AFG2B: variants seen among roughly 807,000 people sequenced by gnomAD.
The protein encoded by AFG2B is ATPase family gene 2 protein homolog B.
chr15:45,408,971 C>G, the AFG2B span, among the ~76,000 whole-genome samples: 1 of 152,108 alleles, frequency 6.6e-6, no homozygotes, highest in South Asian at 2.1e-4. Flanking sequence ...GCAAGACGGG[C>G]GATTTTTTTA....
At chr15:45,405,482 C>T in the AFG2B span, 1 of 1,613,412 alleles carries the variant, frequency 6.2e-7, no homozygotes, top group Non-Finnish European at 8.5e-7. Flanking sequence ...GGCTGCCATG[C>T]ATGCCCTCCT....
the AFG2B span, chr15:45,417,175 C>G: frequency 6.8e-7 from 1 of 1,460,144 alleles, no homozygotes; most frequent in Non-Finnish European, 9.3e-7. Flanking sequence ...AAGGATATCC[C>G]TATTTGAATT....
chr15:45,412,663 T>A, the AFG2B span, among the ~76,000 whole-genome samples: 1 of 152,336 alleles, frequency 6.6e-6, no homozygotes, highest in South Asian at 2.1e-4. Context: ...TAAAAACTAT[T>A]CTTAGTTTGG....
the AFG2B span, chr15:45,402,428 C>A: frequency 1.2e-6 from 2 of 1,600,326 alleles, no homozygotes; most frequent in Non-Finnish European, 1.7e-6. Context: ...CATCTGTGTG[C>A]GATGGCTCCG....
At chr15:45,409,154 T>A in the AFG2B span, among the ~76,000 whole-genome samples, 1 of 151,924 alleles carries the variant, frequency 6.6e-6, no homozygotes, top group East Asian at 1.9e-4. Flanking sequence ...GATGGGTGGG[T>A]CAGTTGAGGT....
chr15:45,419,852 C>T, the AFG2B span, among the ~76,000 whole-genome samples: 3 of 151,508 alleles, frequency 2.0e-5, no homozygotes, highest in African/African-American at 7.3e-5. Context: ...CCTGTCTCTA[C>T]AAAAACTTTT....
chr15:45,409,091 A>G, the AFG2B span, among the ~76,000 whole-genome samples: 1 of 152,106 alleles, frequency 6.6e-6, no homozygotes, highest in Non-Finnish European at 1.5e-5. Flanking sequence ...GAGTTTGGAA[A>G]TGGGCCACGT....
the AFG2B span, chr15:45,417,338 C>G: frequency 6.2e-7 from 1 of 1,614,042 alleles, no homozygotes; most frequent in East Asian, 2.2e-5. Context: ...GTGTTAGATA[C>G]TGCTTTGTTA....
At chr15:45,402,674 G>C in the AFG2B span, 2 of 1,577,498 alleles carry the variant, frequency 1.3e-6, no homozygotes, top group South Asian at 1.1e-5. Flanking sequence ...GCGAGCCCCG[G>C]GGCGGCGGTC....
At chr15:45,412,558 T>A in the AFG2B span, among the ~76,000 whole-genome samples, 1 of 152,232 alleles carries the variant, frequency 6.6e-6, no homozygotes, top group South Asian at 2.1e-4. Context: ...TGTAAATTAG[T>A]AATTGTATTC....
chr15:45,418,406 A>C, the AFG2B span: 1 of 574,808 alleles, frequency 1.7e-6, no homozygotes, highest in Non-Finnish European at 2.8e-6. Flanking sequence ...TACCATTGTC[A>C]TATAAGCCAT....
the AFG2B span, chr15:45,402,381 C>T: frequency 0.29 from 456,107 of 1,552,932 alleles, 76,947 homozygotes; most frequent in East Asian, 0.84. Context: ...TTTTGTGGGC[C>T]GGGTGGGTTT....
the AFG2B span, chr15:45,402,668 G>T: frequency 6.3e-7 from 1 of 1,577,948 alleles, no homozygotes. Context: ...CTGTGCGCGA[G>T]CCCCGGGGCG....
chr15:45,412,392 C>G, the AFG2B span, among the ~76,000 whole-genome samples: 1 of 145,900 alleles, frequency 6.9e-6, no homozygotes, highest in Admixed American at 6.6e-5. Flanking sequence ...GAGTGAGACT[C>G]CGTCTCAAAA....
chr15:45,403,350 C>T, the AFG2B span: 6 of 1,608,884 alleles, frequency 3.7e-6, no homozygotes, highest in South Asian at 6.6e-5. Context: ...AGATGGACGC[C>T]TTGTGTCCCC....
the AFG2B span, chr15:45,403,109 C>T: frequency 2.0e-6 from 3 of 1,514,142 alleles, no homozygotes; most frequent in South Asian, 2.5e-5. Context: ...CGCGCCCTGA[C>T]CGCGCTGGGC....
the AFG2B span, among the ~76,000 whole-genome samples, chr15:45,411,207 A>G: frequency 5.9e-5 from 9 of 152,142 alleles, no homozygotes; most frequent in African/African-American, 9.7e-5. Context: ...CCGGGGGGAA[A>G]AAAGTGTATA....
At chr15:45,417,559 T>C in the AFG2B span, 6 of 634,096 alleles carry the variant, frequency 9.5e-6, no homozygotes, top group Non-Finnish European at 1.5e-5. Flanking sequence ...TTGGATACTC[T>C]GATCTTGTTC....
the AFG2B span, chr15:45,402,867 G>A: frequency 6.3e-7 from 1 of 1,598,530 alleles, no homozygotes; most frequent in Non-Finnish European, 8.5e-7. Context: ...CGATCTCCCT[G>A]GGCCACGTGG....
Sources: gnomAD v4.1 joint callset for allele counts (sites outside exome capture counted in the v4.1 genomes callset) on GRCh38, gnomAD v4.1.1 for gene constraint, MANE v1.5 for transcripts, NCBI Gene and HGNC (gene_info 2026-07-23, HGNC 2026-07-21) for gene names.